The following ADGRL2 variants were observed in gnomAD, a reference collection of about 807,000 sequenced individuals.
The protein encoded by ADGRL2 is calcium-independent alpha-latrotoxin receptor 2.
Under a neutral mutation model 157.4 loss-of-function variants are expected in ADGRL2, and 44 were observed. That is an observed-to-expected ratio of 0.28 (90% confidence interval 0.22 to 0.36). ADGRL2 has a LOEUF of 0.36. Ranked by LOEUF, ADGRL2 falls within the 10% of genes least tolerant of loss-of-function variation. The pLI is 1.00. For synonymous variants in ADGRL2, 585 were observed against 624.7 expected (o/e 0.94, Z 0.95); for missense variants, 1,510 against 1,768.9 (o/e 0.85, Z 2.63).
chr1:81,447,988 C>T (rs773176493), intron 2 of ADGRL2, among the ~76,000 whole-genome samples: 19 of 151,836 alleles, frequency 1.3e-4, no homozygotes, highest in African/African-American at 4.8e-5. Flanking sequence ...CCTCCTGCTC[C>T]GGCCATGTAA....
At chr1:81,799,217 A>G (rs1249576222), upstream of ADGRL2, among the ~76,000 whole-genome samples, 2 of 152,222 alleles carry the variant, frequency 1.3e-5, no homozygotes, top group African/African-American at 2.4e-5. Flanking sequence ...CCAGCTCTGC[A>G]TAAGTGTACT....
chr1:81,377,520 G>A (rs772311588), intron 1 of ADGRL2, among the ~76,000 whole-genome samples: 17 of 151,988 alleles, frequency 1.1e-4, no homozygotes, highest in African/African-American at 4.1e-4. Flanking sequence ...AACTAAGAAG[G>A]CAGGAAAGGT....
At chr1:81,780,685 T>G (rs1498211) in intron 2 of ADGRL2, among the ~76,000 whole-genome samples, 22,030 of 152,176 alleles carry the variant, frequency 0.14, 1,771 homozygotes, top group African/African-American at 0.19. Context: ...TGTGAGATAA[T>G]ACGTATATAA....
chr1:81,442,081 T>G (rs2101682674), intron 1 of ADGRL2, among the ~76,000 whole-genome samples: 1 of 152,118 alleles, frequency 6.6e-6, no homozygotes, highest in African/African-American at 2.4e-5. Context: ...CAATCCTCCC[T>G]CCTCAACTTC....
Position 81,679,492 on chromosome 1 carries a change from A to G in ADGRL2, c.-142-82319A>G, listed in dbSNP as rs576045406. ...TCCATTTACTAGCCTCGGTTTCCCTATCTTTAAAATGGAGCAATAATACCT... is the reference window on the plus strand; with the variant it reads ...TCCATTTACTAGCCTCGGTTTCCCTGTCTTTAAAATGGAGCAATAATACCT... On this transcript the variant is annotated intron_variant, in intron 3 of 24. Coordinates refer to the ADGRL2 transcript ENST00000370721. Among the ~76,000 whole-genome samples the G allele has an allele frequency of 2.6e-5, 4 of 152,138 alleles. No individual in the cohort carries two copies. The South Asian group carries it at 8.3e-4, about 32-fold the overall frequency.
intron 3 of ADGRL2, among the ~76,000 whole-genome samples, chr1:81,595,119 A>T (rs1308157576): frequency 6.6e-6 from 1 of 152,172 alleles, no homozygotes; most frequent in East Asian, 1.9e-4. Context: ...ATAGAGTGTG[A>T]CATGTGCTAT....
intron 1 of ADGRL2, among the ~76,000 whole-genome samples, chr1:81,345,387 A>G (rs1344446179): frequency 1.3e-5 from 2 of 152,226 alleles, no homozygotes; most frequent in African/African-American, 4.8e-5. Context: ...CCACTGATAC[A>G]TACGCATTTT....
At chr1:81,486,838 TAAAA>T (rs1461605016) in intron 2 of ADGRL2, among the ~76,000 whole-genome samples, 1 of 152,000 alleles carries the variant, frequency 6.6e-6, no homozygotes, top group Non-Finnish European at 1.5e-5. Flanking sequence ...ATTCATCAGG[TAAAA>T]AAATAAACAA....
At chr1:81,610,674 A>G (rs2148667955) in intron 3 of ADGRL2, among the ~76,000 whole-genome samples, 1 of 152,318 alleles carries the variant, frequency 6.6e-6, no homozygotes, top group Non-Finnish European at 1.5e-5. Context: ...GAGACCACTT[A>G]GGAAGCTTTT....
chr1:81,693,540 A>G (rs1179920553), intron 3 of ADGRL2, among the ~76,000 whole-genome samples: 2 of 152,208 alleles, frequency 1.3e-5, no homozygotes, highest in Admixed American at 6.5e-5. Flanking sequence ...AGATTACTTC[A>G]TAATAAAGAT....
intron 1 of ADGRL2, among the ~76,000 whole-genome samples, chr1:81,804,213 G>A (rs1286182805): frequency 1.3e-5 from 2 of 152,126 alleles, no homozygotes; most frequent in Non-Finnish European, 2.9e-5. Context: ...GTTATGGAAC[G>A]TTTTGTTGTC....
At chr1:81,837,553 C>T (rs1432760788) in intron 2 of ADGRL2, among the ~76,000 whole-genome samples, 1 of 151,620 alleles carries the variant, frequency 6.6e-6, no homozygotes, top group East Asian at 1.9e-4. Context: ...TATGTATATT[C>T]TTTGTAATGT....
chr1:81,342,304 A>C (rs1662131294), intron 1 of ADGRL2, among the ~76,000 whole-genome samples: 1 of 152,182 alleles, frequency 6.6e-6, no homozygotes, highest in Admixed American at 6.5e-5. Context: ...AAATTACAAC[A>C]AATACTGAGG....
At chr1:81,345,350 T>G (rs1662404360) in intron 1 of ADGRL2, among the ~76,000 whole-genome samples, 1 of 152,212 alleles carries the variant, frequency 6.6e-6, no homozygotes, top group Non-Finnish European at 1.5e-5. Context: ...ACATTGCCAT[T>G]GCATCTCAAG....
chr1:81,751,344 T>G (rs1349867123), intron 1 of ADGRL2, among the ~76,000 whole-genome samples: 2 of 152,186 alleles, frequency 1.3e-5, no homozygotes, highest in Non-Finnish European at 2.9e-5. Context: ...GAGATCAGTA[T>G]TCACATCATG....
chr1:81,604,170 G>A (rs2081387452), intron 3 of ADGRL2, among the ~76,000 whole-genome samples: 1 of 151,990 alleles, frequency 6.6e-6, no homozygotes, highest in African/African-American at 2.4e-5. Flanking sequence ...TCACCATGTT[G>A]GCCAGGCTGG....
intron 1 of ADGRL2, chr1:81,722,459 G>A (rs1460779995): frequency 9.1e-6 from 13 of 1,425,512 alleles, no homozygotes; most frequent in Non-Finnish European, 1.1e-5. Flanking sequence ...TGCCAAGAGG[G>A]CCAGCGTTTT....
At chr1:81,619,408 A>G (rs1050492602) in intron 3 of ADGRL2, among the ~76,000 whole-genome samples, 2 of 152,198 alleles carry the variant, frequency 1.3e-5, no homozygotes, top group Non-Finnish European at 2.9e-5. Flanking sequence ...TATTGACACC[A>G]TAGCAACTAA....
chr1:81,434,735 G>A (rs1227929798), intron 1 of ADGRL2, among the ~76,000 whole-genome samples: 1 of 152,072 alleles, frequency 6.6e-6, no homozygotes, highest in African/African-American at 2.4e-5. Flanking sequence ...CAGCTGTCTG[G>A]GGAAGCACAA....
Sources: allele counts gnomAD v4.1 joint callset (sites outside exome capture counted in the v4.1 genomes callset), GRCh38; gene constraint gnomAD v4.1.1; transcripts MANE v1.5; gene names NCBI Gene and HGNC (gene_info 2026-07-23, HGNC 2026-07-21).